COLEC12: variants seen among roughly 807,000 people sequenced by gnomAD.
The protein encoded by COLEC12 is collectin-12.
Under a neutral mutation model 71.1 loss-of-function variants are expected in COLEC12, and 33 were observed. The ratio of observed to expected loss-of-function variants is 0.46; its 90% CI spans 0.35 to 0.62. COLEC12 has a LOEUF of 0.62. Ranked by LOEUF, COLEC12 falls within the 20% of genes least tolerant of loss-of-function variation. The pLI, the probability that COLEC12 is intolerant of heterozygous loss-of-function variation, is 0.00. For missense variants in COLEC12, 765 were observed against 916.1 expected, an observed-to-expected ratio of 0.84 and a Z score of 2.13; for synonymous variants, 350 against 353.0, an observed-to-expected ratio of 0.99 and a Z score of 0.10.
intron 8 of COLEC12, among the ~76,000 whole-genome samples, chr18:330,873 G>GTTTTTTTTTTTTTTTTTT (rs60146586): frequency 7.5e-6 from 1 of 133,766 alleles, no homozygotes. Context: ...CACATTTGTA[G>GTTTTTTTTTTTTTTTTTT]TTTTTTTTTT....
At chr18:365,287 G>A (rs1440530297) in intron 2 of COLEC12, among the ~76,000 whole-genome samples, 3 of 152,198 alleles carry the variant, frequency 2.0e-5, no homozygotes, top group African/African-American at 4.8e-5. Context: ...TTCTCTCTAG[G>A]AGAGGTCAAG....
rs201478027 is a variant in COLEC12 at position 320,009 on chromosome 18, G to T, written c.*36C>A. ...AAAGGAGTGTCCTTTGCCTTTGAGA[G>T]CTGAAAATTTGCTCATGTGATCCCA... On this transcript the variant is annotated 3_prime_UTR_variant, in exon 10 of 10. Transcript: ENST00000400256. The T allele has an allele frequency of 2.2e-6, 3 of 1,364,732 alleles. No homozygotes were observed. Among genetic ancestry groups the T allele is most frequent in the Non-Finnish European group, 3.1e-6 (3 of 975,538 alleles). 84.5% of individuals were successfully genotyped at this position (1,364,732 alleles called of 1,614,324 possible).
intron 2 of COLEC12, among the ~76,000 whole-genome samples, chr18:422,634 G>A (rs999012609): frequency 6.6e-5 from 10 of 151,442 alleles, no homozygotes; most frequent in African/African-American, 1.9e-4. Context: ...TATTTTTATA[G>A]ATTATTTTAT....
At chr18:391,172 A>G (rs1915456209) in intron 2 of COLEC12, among the ~76,000 whole-genome samples, 1 of 152,146 alleles carries the variant, frequency 6.6e-6, no homozygotes, top group African/African-American at 2.4e-5. Context: ...ATTGGTGTGT[A>G]GCTTCCTGCA....
At chr18:499,255 T>TTTTG (rs1598384531) in intron 1 of COLEC12, among the ~76,000 whole-genome samples, 1 of 152,220 alleles carries the variant, frequency 6.6e-6, no homozygotes, top group East Asian at 1.9e-4. Flanking sequence ...GTATCGTGTC[T>TTTTG]TTTGTTTCTT....
chr18:390,969 C>A (rs888224854), intron 2 of COLEC12, among the ~76,000 whole-genome samples: 3 of 152,188 alleles, frequency 2.0e-5, no homozygotes, highest in Admixed American at 1.3e-4. Context: ...CAGGAAGTAA[C>A]CAGGCAGCAG....
chr18:328,612 GC>G (rs1913900040), intron 8 of COLEC12, among the ~76,000 whole-genome samples: 1 of 152,174 alleles, frequency 6.6e-6, no homozygotes, highest in African/African-American at 2.4e-5. Context: ...TATGTGCCAA[GC>G]CCTCGACTAA....
chr18:332,736 T>C (rs1914012279), intron 7 of COLEC12, among the ~76,000 whole-genome samples: 1 of 152,180 alleles, frequency 6.6e-6, no homozygotes, highest in Admixed American at 6.5e-5. Context: ...CAAGCTTCTC[T>C]GCATTATAAT....
chr18:497,712 G>A, intron 1 of COLEC12, among the ~76,000 whole-genome samples: 1 of 152,172 alleles, frequency 6.6e-6, no homozygotes, highest in Non-Finnish European at 1.5e-5. Flanking sequence ...GAATGTTTTA[G>A]ATTAACACGT....
At chr18:463,277 G>A (rs764617345) in intron 2 of COLEC12, among the ~76,000 whole-genome samples, 1 of 152,020 alleles carries the variant, frequency 6.6e-6, no homozygotes, top group Non-Finnish European at 1.5e-5. Context: ...TTGGTTTATT[G>A]TTTCATTTTC....
chr18:427,588 ACT>A (rs34848762), intron 2 of COLEC12, among the ~76,000 whole-genome samples: 28,329 of 151,726 alleles, frequency 0.19, 2,895 homozygotes, highest in Middle Eastern at 0.24. Flanking sequence ...GAAAAGTAAA[ACT>A]CTGTTACTGG....
intron 1 of COLEC12, among the ~76,000 whole-genome samples, chr18:488,020 A>C (rs946137569): frequency 1.3e-5 from 2 of 152,258 alleles, no homozygotes; most frequent in African/African-American, 4.8e-5. Context: ...ATGCAGGAAA[A>C]TTAATACCTC....
At chr18:442,000 TCTACACACACACACACACAC>T (rs1192521567) in intron 2 of COLEC12, among the ~76,000 whole-genome samples, 5 of 116,700 alleles carry the variant, frequency 4.3e-5, no homozygotes, top group African/African-American at 1.6e-4. Context: ...ACTCTCTCTC[TCTACACACACACACACACAC>T]ACACACACAC....
intron 2 of COLEC12, among the ~76,000 whole-genome samples, chr18:445,927 C>T (rs1443290010): frequency 6.6e-6 from 1 of 152,146 alleles, no homozygotes; most frequent in Non-Finnish European, 1.5e-5. Flanking sequence ...TCACTGCGCC[C>T]AGCCTAATCT....
intron 2 of COLEC12, among the ~76,000 whole-genome samples, chr18:360,307 C>T (rs988143131): frequency 3.3e-5 from 5 of 151,962 alleles, no homozygotes; most frequent in Admixed American, 1.3e-4. Context: ...CTCAGCCTCC[C>T]GAGTAGCTGG....
chr18:380,013 A>G (rs1915197273), intron 2 of COLEC12, among the ~76,000 whole-genome samples: 1 of 152,162 alleles, frequency 6.6e-6, no homozygotes, highest in Non-Finnish European at 1.5e-5. Flanking sequence ...TGAAGAAAGA[A>G]TCCTACTTCC....
intron 2 of COLEC12, among the ~76,000 whole-genome samples, chr18:425,586 G>C (rs1916184656): frequency 6.6e-6 from 1 of 152,166 alleles, no homozygotes; most frequent in South Asian, 2.1e-4. Flanking sequence ...AGCGCTGGGG[G>C]AAGAGGTGGG....
At chr18:469,905 A>AATTGAAACAAGATGAATT (rs1917159994) in intron 2 of COLEC12, among the ~76,000 whole-genome samples, 1 of 152,190 alleles carries the variant, frequency 6.6e-6, no homozygotes, top group African/African-American at 2.4e-5. Context: ...TTTTCCAAGA[A>AATTGAAACAAGATGAATT]ATTGAAACAA....
chr18:468,200 T>G (rs1204198949), intron 2 of COLEC12, among the ~76,000 whole-genome samples: 1 of 148,610 alleles, frequency 6.7e-6, no homozygotes, highest in Non-Finnish European at 1.5e-5. Context: ...AGGCGGAGGT[T>G]GCAGTGAGCC....
Sources: gnomAD v4.1 joint callset for allele counts (sites outside exome capture counted in the v4.1 genomes callset) on GRCh38, gnomAD v4.1.1 for gene constraint, MANE v1.5 for transcripts, NCBI Gene and HGNC (gene_info 2026-07-23, HGNC 2026-07-21) for gene names.